GLIPR1L1: variants seen among roughly 807,000 people sequenced by gnomAD.
GLIPR1L1 encodes the protein GLIPR1 like 1, also known as GLIPR1-like protein 1.
GLIPR1L1 carries 26 observed loss-of-function variants against 29.9 expected under a neutral mutation model. The observed-to-expected ratio is 0.87, with a 90% CI of 0.64 to 1.21. The LOEUF (loss-of-function observed/expected upper bound fraction) is 1.21, where lower values mean the gene tolerates loss of function less well. GLIPR1L1 is among the 50% of genes most tolerant of loss of function. The probability of loss-of-function intolerance (pLI) is 0.00; values close to 1 mark genes in which losing one functional copy is unlikely to be tolerated. For synonymous variants in GLIPR1L1, 77 were observed against 97.5 expected (o/e 0.79, Z 1.24); for missense variants, 305 against 290.3 (o/e 1.05, Z -0.37).
intron 3 of GLIPR1L1, chr12:75,360,749 GGGACTCTGTGT>G (rs1401207036): frequency 2.6e-5 from 4 of 152,188 alleles, no homozygotes; most frequent in Non-Finnish European, 5.9e-5. Flanking sequence ...TGTGCCAGTG[GGGACTCTGTGT>G]GGAGTCTCCA....
At chr12:75,340,278 CTT>C (rs1043897862) in intron 1 of GLIPR1L1, among the ~76,000 whole-genome samples, 1 of 151,524 alleles carries the variant, frequency 6.6e-6, no homozygotes, top group Non-Finnish European at 1.5e-5. Flanking sequence ...GTGCTAGTGT[CTT>C]TTTCAAAAAA....
intron 1 of GLIPR1L1, among the ~76,000 whole-genome samples, chr12:75,341,029 AC>A (rs2042067218): frequency 6.6e-6 from 1 of 150,906 alleles, no homozygotes; most frequent in Admixed American, 6.6e-5. Flanking sequence ...GCAATTTCTT[AC>A]AAAAAAAAAA....
Position 75,336,136 on chromosome 12 carries a change from A to G in GLIPR1L1, c.174+1234A>G, listed in dbSNP as rs530965530. Among the ~76,000 whole-genome samples the G allele has an allele frequency of 1.6e-4, 24 of 152,116 alleles. No homozygotes were observed. The South Asian group carries it at 5.0e-3, about 31-fold the overall frequency. ...GTTCCTTATATTGTTAAGAATCACA[A>G]TAATATTTCTGGATGGACCGTGAGA... On this transcript the variant is annotated intron_variant, in intron 1 of 5. Transcript: ENST00000378695.
chr12:75,346,699 C>A (rs906489262), intron 2 of GLIPR1L1, among the ~76,000 whole-genome samples: 3 of 152,090 alleles, frequency 2.0e-5, no homozygotes, highest in Non-Finnish European at 2.9e-5. Context: ...TGCACTTTTG[C>A]TGGTAAATAT....
At chr12:75,347,232 A>C (rs1388434965) in intron 2 of GLIPR1L1, among the ~76,000 whole-genome samples, 3 of 152,104 alleles carry the variant, frequency 2.0e-5, no homozygotes, top group African/African-American at 7.2e-5. Context: ...TCTGAGAAAA[A>C]CAAATAAATG....
intron 1 of GLIPR1L1, among the ~76,000 whole-genome samples, chr12:75,337,288 T>TA (rs2041801372): frequency 1.3e-5 from 2 of 151,670 alleles, no homozygotes; most frequent in South Asian, 4.1e-4. Context: ...GTATGAGGAC[T>TA]AAAATCAATA....
At chr12:75,340,173 C>T (rs951335933) in intron 1 of GLIPR1L1, among the ~76,000 whole-genome samples, 7 of 149,846 alleles carry the variant, frequency 4.7e-5, no homozygotes, top group Non-Finnish European at 1.0e-4. Context: ...TATATATATA[C>T]ATACCACATT....
chr12:75,366,088 A>C (rs2043943986), intron 4 of GLIPR1L1, among the ~76,000 whole-genome samples: 1 of 152,132 alleles, frequency 6.6e-6, no homozygotes, highest in Admixed American at 6.6e-5. Flanking sequence ...TTATTTATTA[A>C]AGATTTTATT....
intron 1 of GLIPR1L1, 52 bp downstream of exon 1, chr12:75,334,954 T>G: frequency 6.6e-7 from 1 of 1,519,750 alleles, no homozygotes; most frequent in Non-Finnish European, 9.0e-7. Context: ...TCCTGAGGTA[T>G]CTGGGTGATA....
chr12:75,334,697 C>CA lies in GLIPR1L1; in HGVS notation c.-31dup. On this transcript the variant is annotated 5_prime_UTR_variant, in exon 1 of 6. Transcript: ENST00000378695. ...CCCAGCCGTTACTGGTCCGCGCAGT[C>CA]AGGGCATCCTCCGCATCCTCCACAT... is the stretch of plus-strand genomic sequence containing the variant. The CA allele has an allele frequency of 6.3e-7, 1 of 1,597,230 alleles. No homozygotes were observed.
chr12:75,334,841 T>C lies in GLIPR1L1; in HGVS notation c.113T>C (p.Ile38Thr), dbSNP rs1314105341. 2.5e-6 allele frequency: 4 copies of C among 1,614,002 alleles called. No individual in the cohort carries two copies. The highest frequency in any genetic ancestry group is 3.4e-6 in the Non-Finnish European group (4 of 1,180,020). The change falls in exon 1 of 6, where the codon ATA (isoleucine) becomes ACA (threonine). Residue 38 changes from isoleucine to threonine, a missense_variant. Coordinates refer to ENST00000378695, the MANE Select transcript of GLIPR1L1 (RefSeq NM_001304964.2). ...GACCCACACTTTATAGACAACTGCA[T>C]AGAAGCCCACAACGAATGGCGTGGC... Reference protein sequence around the residue: ...ITDPHFIDNCIEAHNEWRGKV... With the variant: ...ITDPHFIDNCTEAHNEWRGKV...
intron 3 of GLIPR1L1, among the ~76,000 whole-genome samples, chr12:75,354,168 G>T (rs535014622): frequency 8.2e-5 from 5 of 61,292 alleles, no homozygotes; most frequent in East Asian, 1.1e-3. Flanking sequence ...GAAAAAAAAG[G>T]GGGGGGGGTA....
chr12:75,363,302 G>A, intron 4 of GLIPR1L1, 112 bp downstream of exon 4: 2 of 436,546 alleles, frequency 4.6e-6, no homozygotes, highest in East Asian at 3.8e-5. Flanking sequence ...AGATTTGACT[G>A]TTGTTATCTT....
At chr12:75,336,862 T>C (rs1191012399) in intron 1 of GLIPR1L1, among the ~76,000 whole-genome samples, 1 of 151,742 alleles carries the variant, frequency 6.6e-6, no homozygotes, top group Non-Finnish European at 1.5e-5. Context: ...ATATAAACAA[T>C]ATGCTGAACC....
At chr12:75,348,242 A>C (rs1399738321) in intron 3 of GLIPR1L1, among the ~76,000 whole-genome samples, 2 of 152,190 alleles carry the variant, frequency 1.3e-5, no homozygotes, top group Admixed American at 1.3e-4. Flanking sequence ...TATACTAGGA[A>C]GACTATAAAA....
chr12:75,345,058 T>C (rs936898847), intron 2 of GLIPR1L1, among the ~76,000 whole-genome samples: 3 of 152,134 alleles, frequency 2.0e-5, no homozygotes, highest in Non-Finnish European at 2.9e-5. Flanking sequence ...GCTGAATAGA[T>C]GATGAGGACC....
rs2041598035 is a variant in GLIPR1L1, at chr12:75,334,755, T to C, written c.27T>C (p.Cys9=). Residue 9 remains cysteine (C), a synonymous_variant, in exon 1 of 6, where the codon TGT becomes TGC. Coordinates refer to ENST00000378695, the MANE Select transcript of GLIPR1L1 (RefSeq NM_001304964.2). ...TGGCTCTGAAGAATAAATTCAGTTG[T>C]TTATGGATCTTGGGTCTGTGTTTGG... MALKNKFS[C]LWILGLCLVA... 19 of 1,613,950 alleles carry C rather than the reference T, an allele frequency of 1.2e-5. No homozygotes were observed. Among genetic ancestry groups the C allele is most frequent in the Non-Finnish European group, 1.6e-5 (19 of 1,179,982 alleles).
At chr12:75,355,253 A>G (rs2043077270) in intron 3 of GLIPR1L1, among the ~76,000 whole-genome samples, 1 of 152,218 alleles carries the variant, frequency 6.6e-6, no homozygotes, top group South Asian at 2.1e-4. Flanking sequence ...TAATATCCAG[A>G]ATCTACAAGG....
At chr12:75,362,251 C>T (rs1187246723) in intron 3 of GLIPR1L1, among the ~76,000 whole-genome samples, 1 of 152,062 alleles carries the variant, frequency 6.6e-6, no homozygotes, top group Admixed American at 6.6e-5. Flanking sequence ...CAAATACACA[C>T]ATTAAAATGC....
Sources: gnomAD v4.1 joint callset for allele counts (sites outside exome capture counted in the v4.1 genomes callset) on GRCh38, gnomAD v4.1.1 for gene constraint, MANE v1.5 for transcripts, NCBI Gene and HGNC (gene_info 2026-07-23, HGNC 2026-07-21) for gene names.